The following TMA16 variants were observed in gnomAD, a reference collection of about 807,000 sequenced individuals.
TMA16 encodes translation machinery associated 16 homolog, also known as translation machinery-associated protein 16.
A neutral mutation model predicts 27.1 loss-of-function variants in TMA16; 26 were observed. That is an observed-to-expected ratio of 0.96 (90% CI 0.70 to 1.33). TMA16 has a LOEUF of 1.33. Among genes scored for constraint, TMA16 ranks in the 40% most tolerant of loss-of-function variants. TMA16 has a pLI of 0.00. For synonymous variants in TMA16, 71 were observed against 81.9 expected (o/e 0.87, Z 0.72); for missense variants, 233 against 241.4 (o/e 0.97, Z 0.23).
In TMA16 at chr4:163,495,627, A is replaced by T. The variant is rs563285335; in HGVS notation, c.3+823A>T. ...TCTTGCATAGAAACATGCTTTATAAATTTTTTTCAATTAATTTTTAATAAA... is the reference window on the plus strand; with the variant it reads ...TCTTGCATAGAAACATGCTTTATAATTTTTTTTCAATTAATTTTTAATAAA... On this transcript the variant is annotated intron_variant, in intron 1 of 6. Coordinates refer to ENST00000358572, the MANE Select transcript of TMA16 (RefSeq NM_018352.3). Among the ~76,000 whole-genome samples the T allele has an allele frequency of 7.9e-5, 12 of 152,164 alleles. No homozygotes were observed. The South Asian group carries it at 2.1e-3, about 26-fold the overall frequency.
intron 1 of TMA16, among the ~76,000 whole-genome samples, chr4:163,495,046 T>C (rs1178930945): frequency 2.6e-5 from 4 of 152,052 alleles, no homozygotes; most frequent in African/African-American, 9.7e-5. Flanking sequence ...CTTGCTCCTC[T>C]TTGCCTTGTG....
Position 163,520,378 on chromosome 4 carries a change from AAG to A in TMA16, c.*867_*868del. Reference sequence around the variant, plus strand: ...GTAAGTATCCTTATTTTTTTTTTAAAAGAGCACAATGTAGGTGTATTTGAGTA... The same window carrying A: ...GTAAGTATCCTTATTTTTTTTTTAAAAGCACAATGTAGGTGTATTTGAGTA... On this transcript the variant is annotated 3_prime_UTR_variant, in exon 7 of 7. Transcript: ENST00000358572. 6.2e-6 allele frequency: 1 copy of A among 161,086 alleles called. No individual in the cohort carries two copies. The highest frequency in any genetic ancestry group is 1.9e-4 in the East Asian group (1 of 5,366). 10.0% of individuals were successfully genotyped at this position (161,086 alleles called of 1,614,324 possible). A position where few individuals can be genotyped will look rare whatever the true frequency, so the allele number is the denominator to read the frequency against.
intron 6 of TMA16, 80 bp downstream of exon 6, chr4:163,517,556 C>G: frequency 7.9e-7 from 1 of 1,268,730 alleles, no homozygotes; most frequent in Non-Finnish European, 1.1e-6. Context: ...TTGAGTCTAG[C>G]CGGTAGAACT....
chr4:163,518,938 G>T (rs1441721), intron 6 of TMA16, among the ~76,000 whole-genome samples: 66,721 of 151,922 alleles, frequency 0.44, 15,259 homozygotes, highest in Admixed American at 0.56. Flanking sequence ...TTCACATTAC[G>T]TCTAAAGTAA....
rs1579022329 is a variant in TMA16 at position 163,519,670 on chromosome 4, A to C, written c.*156A>C. 4.2e-6 allele frequency: 3 copies of C among 721,822 alleles called. No homozygotes were observed. Among genetic ancestry groups the C allele is most frequent in the South Asian group, 4.7e-5 (2 of 42,946 alleles). The allele number at this position is 721,822 out of a possible 1,614,324, so 44.7% of individuals were successfully genotyped here. On this transcript the variant is annotated 3_prime_UTR_variant, in exon 7 of 7. Coordinates refer to ENST00000358572, the MANE Select transcript of TMA16 (RefSeq NM_018352.3). ...TTTCAAAAATGGTGTTATGATACTTATTTTAAAATGAAGATTGCTTTTCAT... is the reference window on the plus strand; with the variant it reads ...TTTCAAAAATGGTGTTATGATACTTCTTTTAAAATGAAGATTGCTTTTCAT...
intron 6 of TMA16, among the ~76,000 whole-genome samples, chr4:163,517,972 T>G (rs201256737): frequency 1.9e-5 from 1 of 52,306 alleles, no homozygotes; most frequent in Non-Finnish European, 5.5e-5. Context: ...ATTTTTTAGG[T>G]TTTTTTTTTT....
Position 163,515,396 on chromosome 4 carries a change from C to T in TMA16, c.323C>T (p.Ser108Phe), listed in dbSNP as rs1737861488. Residue 108 changes from serine (S) to phenylalanine (F), a missense_variant, in exon 5 of 7, where the codon TCC (serine) becomes TTC (phenylalanine). Transcript: ENST00000358572. ...GACAGGCAGGGGAGGCGGCACTGTT[C>T]CCGGGAGACCGTCATCAAGCAGACG... is the stretch of plus-strand genomic sequence containing the variant. ...IRDRQGRRHC[S>F]RETVIKQTME... is the part of the protein sequence containing the mutation. 6.2e-7 allele frequency: 1 copy of T among 1,614,028 alleles called. No individual in the cohort carries two copies. Among genetic ancestry groups the T allele is most frequent in the Non-Finnish European group, 8.5e-7 (1 of 1,180,002 alleles).
intron 2 of TMA16, among the ~76,000 whole-genome samples, chr4:163,510,248 T>C (rs534358417): frequency 1.3e-5 from 2 of 152,320 alleles, no homozygotes; most frequent in Non-Finnish European, 2.9e-5. Context: ...ATAATTAATA[T>C]ATAATAAAGC....
At chr4:163,510,419 A>G (rs1404754743) in intron 2 of TMA16, among the ~76,000 whole-genome samples, 1 of 152,048 alleles carries the variant, frequency 6.6e-6, no homozygotes, top group Non-Finnish European at 1.5e-5. Flanking sequence ...GCAGCCACTA[A>G]TTTGCTCTTT....
At chr4:163,500,790 C>G (rs1221822217) in intron 1 of TMA16, among the ~76,000 whole-genome samples, 2 of 152,184 alleles carry the variant, frequency 1.3e-5, no homozygotes, top group Non-Finnish European at 2.9e-5. Flanking sequence ...ACCTGTCAAA[C>G]TGATTTAGCT....
rs373425152 is a variant in TMA16 at position 163,515,406 on chromosome 4, C to T, written c.333C>T (p.Thr111=). ...GGAGGCGGCACTGTTCCCGGGAGACCGTCATCAAGCAGACGATGGAGCGGG... is the reference window on the plus strand; with the variant it reads ...GGAGGCGGCACTGTTCCCGGGAGACTGTCATCAAGCAGACGATGGAGCGGG... ...RQGRRHCSRE[T]VIKQTMERER... Residue 111 remains threonine, a synonymous_variant, in exon 5 of 7, where the codon ACC becomes ACT. Transcript: ENST00000358572. The T allele has an allele frequency of 1.4e-4, 220 of 1,613,968 alleles. No individual in the cohort carries two copies. Among genetic ancestry groups the T allele is most frequent in the Admixed American group, 4.7e-4 (28 of 60,004 alleles).
intron 2 of TMA16, among the ~76,000 whole-genome samples, chr4:163,511,959 C>A (rs1737806167): frequency 6.6e-6 from 1 of 151,782 alleles, no homozygotes; most frequent in Admixed American, 6.6e-5. Flanking sequence ...CTGCTTTATA[C>A]AAAGCCTTCT....
At chr4:163,519,303 T>C (rs1737930710) in intron 6 of TMA16, 31 bp from the exon 7 acceptor site, 4 of 1,532,528 alleles carry the variant, frequency 2.6e-6, no homozygotes, top group Non-Finnish European at 3.5e-6. Flanking sequence ...ACCAACACTC[T>C]GCACTCTTTT....
At chr4:163,510,910 C>A (rs1490122417) in intron 2 of TMA16, among the ~76,000 whole-genome samples, 1 of 152,158 alleles carries the variant, frequency 6.6e-6, no homozygotes, top group Non-Finnish European at 1.5e-5. Flanking sequence ...GAATAAAGTT[C>A]ATTCCTGTAA....
chr4:163,518,419 A>G (rs1344384336), intron 6 of TMA16, among the ~76,000 whole-genome samples: 2 of 152,250 alleles, frequency 1.3e-5, no homozygotes, highest in Admixed American at 1.3e-4. Context: ...ATAAACTGTC[A>G]AGGGAATAAA....
At chr4:163,513,832 A>G (rs1279555927) in intron 3 of TMA16, among the ~76,000 whole-genome samples, 2 of 152,168 alleles carry the variant, frequency 1.3e-5, no homozygotes, top group Non-Finnish European at 2.9e-5. Context: ...TCCATATTGG[A>G]TAAGAAATAT....
In TMA16 at chr4:163,495,709, G is replaced by T. The variant is rs529052528; in HGVS notation, c.3+905G>T. ...GAAGTTACGATATTGTGTCCACAATGTGGCCTCTTTGTTTCTTTTCATTTT... is the reference window on the plus strand; with the variant it reads ...GAAGTTACGATATTGTGTCCACAATTTGGCCTCTTTGTTTCTTTTCATTTT... On this transcript the variant is annotated intron_variant, in intron 1 of 6. Transcript: ENST00000358572. Among the ~76,000 whole-genome samples, 4 of 152,200 alleles carry T rather than the reference G, an allele frequency of 2.6e-5. No individual in the cohort carries two copies. In the East Asian group the frequency reaches 7.7e-4, roughly 29 times the overall value.
chr4:163,511,796 G>T (rs1345869766), intron 2 of TMA16, among the ~76,000 whole-genome samples: 1 of 151,880 alleles, frequency 6.6e-6, no homozygotes, highest in Non-Finnish European at 1.5e-5. Context: ...CTGCAGTCCT[G>T]CTCGAGCTAC....
At chr4:163,494,931 A>C (rs1046382623) in intron 1 of TMA16, 127 bp downstream of exon 1, 127 of 1,400,298 alleles carry the variant, frequency 9.1e-5, no homozygotes, top group Admixed American at 1.5e-4. Context: ...GTTTATTTTC[A>C]GGGAGTGTGC....
Sources: gnomAD v4.1 joint callset for allele counts (sites outside exome capture counted in the v4.1 genomes callset) on GRCh38, gnomAD v4.1.1 for gene constraint, MANE v1.5 for transcripts, NCBI Gene and HGNC (gene_info 2026-07-23, HGNC 2026-07-21) for gene names.